VTI1A: variants seen among roughly 807,000 people sequenced by gnomAD.
VTI1A encodes the protein vesicle transport through interaction with t-SNAREs homolog 1A.
VTI1A carries 22 observed loss-of-function variants against 34.9 expected under a neutral mutation model. The ratio of observed to expected loss-of-function variants is 0.63; its 90% confidence interval spans 0.45 to 0.90. The LOEUF (loss-of-function observed/expected upper bound fraction) is 0.90, where lower values mean the gene tolerates loss of function less well. Ranked by LOEUF, VTI1A falls within the 40% of genes least tolerant of loss-of-function variation. The probability of loss-of-function intolerance (pLI) is 0.00; values close to 1 mark genes in which losing one functional copy is unlikely to be tolerated. For synonymous variants in VTI1A, 87 were observed against 97.3 expected (o/e 0.89, Z 0.62); for missense variants, 268 against 275.6 (o/e 0.97, Z 0.20).
At chr10:112,603,142 T>C (rs1335326636) in intron 5 of VTI1A, among the ~76,000 whole-genome samples, 1 of 152,242 alleles carries the variant, frequency 6.6e-6, no homozygotes, top group Non-Finnish European at 1.5e-5. Context: ...ATGCTGGCTG[T>C]ATAACTGAGC....
At position 112,815,302 on chromosome 10, in the gene VTI1A, C is replaced by T. The variant is rs977190021; in HGVS notation, c.573C>T (p.Asn191=). 5.6e-6 allele frequency: 9 copies of T among 1,612,578 alleles called. No homozygotes were observed. The African/African-American group carries it at 1.2e-4, about 22-fold the overall frequency. ...LTGMLRRIIQ[N]RILLVILGII... ...TGCTGTCTCCTAGAATCATCCAGAA[C>T]CGCATCCTGCTCGTCATCCTAGGGA... Residue 191 remains asparagine (N), a synonymous_variant, in exon 8 of 8, where the codon AAC becomes AAT. Coordinates refer to ENST00000393077, the MANE Select transcript of VTI1A (RefSeq NM_145206.4).
At chr10:112,813,901 G>T (rs1853412809) in intron 7 of VTI1A, among the ~76,000 whole-genome samples, 1 of 152,178 alleles carries the variant, frequency 6.6e-6, no homozygotes, top group South Asian at 2.1e-4. Flanking sequence ...AGGCAGTTTT[G>T]CGGAAGACGT....
chr10:112,474,231 T>A (rs559353346), intron 3 of VTI1A, among the ~76,000 whole-genome samples: 125 of 152,132 alleles, frequency 8.2e-4, no homozygotes, highest in Non-Finnish European at 1.1e-3. Flanking sequence ...CTGGCTAATT[T>A]TTTTTTTGTA....
chr10:112,517,413 T>C (rs1243624127), intron 3 of VTI1A, among the ~76,000 whole-genome samples: 1 of 152,032 alleles, frequency 6.6e-6, no homozygotes, highest in Non-Finnish European at 1.5e-5. Flanking sequence ...GAGTAATGAT[T>C]GAATAGACAA....
chr10:112,555,983 A>G (rs1274439403), intron 5 of VTI1A, among the ~76,000 whole-genome samples: 1 of 152,044 alleles, frequency 6.6e-6, no homozygotes, highest in East Asian at 1.9e-4. Flanking sequence ...TTGAGAAACA[A>G]TTTTAAGTAA....
chr10:112,597,825 G>A (rs931407512), intron 5 of VTI1A, among the ~76,000 whole-genome samples: 1 of 147,700 alleles, frequency 6.8e-6, no homozygotes, highest in Non-Finnish European at 1.5e-5. Flanking sequence ...AGCCTCCCGA[G>A]TAGCCGGGAC....
At position 112,709,348 on chromosome 10, in the gene VTI1A, T is replaced by C. The variant is rs1849317198; in HGVS notation, c.560+40350T>C. Among the ~76,000 whole-genome samples the C allele has an allele frequency of 2.6e-5, 4 of 152,078 alleles. No individual in the cohort carries two copies. The South Asian group carries it at 8.3e-4, about 32-fold the overall frequency. ...TTTTTGACCTCTAGTTCCCTAAGAG[T>C]GTCTGTCTTCAGACAGAACTGCCCC... On this transcript the variant is annotated intron_variant, in intron 7 of 7. Coordinates refer to ENST00000393077, the MANE Select transcript of VTI1A (RefSeq NM_145206.4).
chr10:112,841,110 G>T, the VTI1A span, among the ~76,000 whole-genome samples: 3 of 152,104 alleles, frequency 2.0e-5, no homozygotes, highest in East Asian at 5.8e-4. Flanking sequence ...CCCCCAGAGC[G>T]AACCACTTTC....
chr10:112,526,402 T>C lies in VTI1A; in HGVS notation c.265-685T>C, dbSNP rs1020952598. ...CTTTATTTACTGTGACTGAGAAATT[T>C]AGTTTCTTTTACCAGACACACACAT... is the stretch of plus-strand genomic sequence containing the variant. On this transcript the variant is annotated intron_variant, in intron 3 of 7. Coordinates refer to ENST00000393077, the MANE Select transcript of VTI1A (RefSeq NM_145206.4). Among the ~76,000 whole-genome samples, 11 of 152,304 alleles carry C rather than the reference T, an allele frequency of 7.2e-5. No homozygotes were observed. The South Asian group carries it at 8.3e-4, about 11-fold the overall frequency.
chr10:112,822,674 C>T (rs575350934), downstream of VTI1A, among the ~76,000 whole-genome samples: 80 of 139,514 alleles, frequency 5.7e-4, no homozygotes, highest in Non-Finnish European at 1.0e-3. Context: ...CATCCACACC[C>T]ACCCTTCCAG....
At chr10:112,828,570 T>C in the VTI1A span, among the ~76,000 whole-genome samples, 3 of 151,942 alleles carry the variant, frequency 2.0e-5, no homozygotes, top group Admixed American at 1.3e-4. Flanking sequence ...CACGCCCGGC[T>C]AATTTTTTGT....
At chr10:112,710,905 A>G (rs924207532) in intron 7 of VTI1A, among the ~76,000 whole-genome samples, 13 of 152,322 alleles carry the variant, frequency 8.5e-5, no homozygotes, top group African/African-American at 3.1e-4. Flanking sequence ...CTATTCTTCC[A>G]CAATTTTCTG....
chr10:112,502,367 A>G (rs1849274810), intron 3 of VTI1A, among the ~76,000 whole-genome samples: 1 of 151,994 alleles, frequency 6.6e-6, no homozygotes, highest in Non-Finnish European at 1.5e-5. Flanking sequence ...TAATTTTTTA[A>G]CTTATTCTAG....
chr10:112,772,314 A>G (rs939606937), intron 7 of VTI1A, among the ~76,000 whole-genome samples: 2 of 152,208 alleles, frequency 1.3e-5, no homozygotes. Context: ...GATGTTGAGC[A>G]TGTTTTCCTG....
intron 3 of VTI1A, among the ~76,000 whole-genome samples, chr10:112,505,314 A>G (rs1018633745): frequency 1.4e-4 from 22 of 152,208 alleles, no homozygotes; most frequent in African/African-American, 4.6e-4. Context: ...TGTTTGTATG[A>G]CTTGATTTCT....
intron 5 of VTI1A, among the ~76,000 whole-genome samples, chr10:112,596,972 T>A (rs2134454327): frequency 6.6e-6 from 1 of 152,302 alleles, no homozygotes; most frequent in South Asian, 2.1e-4. Flanking sequence ...TTTAAATTAG[T>A]TTTTCGTTTG....
At chr10:112,493,320 A>G (rs1264314435) in intron 3 of VTI1A, among the ~76,000 whole-genome samples, 1 of 151,982 alleles carries the variant, frequency 6.6e-6, no homozygotes. Flanking sequence ...GTATCCTGCA[A>G]CCTTGCTGAA....
intron 5 of VTI1A, among the ~76,000 whole-genome samples, chr10:112,581,071 G>A (rs1843910412): frequency 6.6e-6 from 1 of 152,142 alleles, no homozygotes; most frequent in Non-Finnish European, 1.5e-5. Context: ...TCAACTCTAT[G>A]GATCACACCA....
At chr10:112,830,849 A>ATATTTTTTTT in the VTI1A span, among the ~76,000 whole-genome samples, 3 of 33,508 alleles carry the variant, frequency 9.0e-5, no homozygotes, top group Admixed American at 4.7e-4. Flanking sequence ...ATATATATAT[A>ATATTTTTTTT]TTTTTTTTTT....
Sources: gnomAD v4.1 joint callset for allele counts (sites outside exome capture counted in the v4.1 genomes callset) on GRCh38, gnomAD v4.1.1 for gene constraint, MANE v1.5 for transcripts, NCBI Gene and HGNC (gene_info 2026-07-23, HGNC 2026-07-21) for gene names.